The following RAF1 variants were observed in gnomAD, a reference collection of about 807,000 sequenced individuals.
RAF1 encodes Raf-1 proto-oncogene, serine/threonine kinase.
In RAF1, 27 loss-of-function variants were observed where a neutral mutation model predicts 81.1. The ratio of observed to expected loss-of-function variants is 0.33; its 90% CI spans 0.25 to 0.46. The LOEUF is 0.46. Among genes scored for constraint, RAF1 ranks in the 20% least tolerant of loss-of-function variants. The pLI, the probability that RAF1 is intolerant of heterozygous loss-of-function variation, is 1.00. For missense variants in RAF1, 598 were observed against 826.0 expected (o/e 0.72, Z 3.38); for synonymous variants, 298 against 294.0 (o/e 1.01, Z -0.14).
chr3:12,632,844 A>G (rs796139761), intron 1 of RAF1, among the ~76,000 whole-genome samples: 9 of 152,326 alleles, frequency 5.9e-5, no homozygotes, highest in African/African-American at 2.2e-4. Flanking sequence ...GTGAAGAGGA[A>G]AAAACAAAAA....
chr3:12,650,981 G>A (rs1300532347), intron 1 of RAF1, among the ~76,000 whole-genome samples: 1 of 152,180 alleles, frequency 6.6e-6, no homozygotes, highest in East Asian at 1.9e-4. Flanking sequence ...AAGCTAAAGT[G>A]TGCCCAGGGA....
At chr3:12,636,886 T>C (rs1447457945) in intron 1 of RAF1, among the ~76,000 whole-genome samples, 1 of 152,118 alleles carries the variant, frequency 6.6e-6, no homozygotes, top group Non-Finnish European at 1.5e-5. Context: ...ACATACTACA[T>C]ACCCTGGAGA....
intron 14 of RAF1, chr3:12,586,707 T>G (rs1172475185): frequency 1.3e-5 from 2 of 152,174 alleles, no homozygotes; most frequent in Non-Finnish European, 2.9e-5. Context: ...AGATTCAAAA[T>G]TGTTAAATTT....
chr3:12,655,000 A>ACCCCCCCCCCCCC (rs35380724), intron 1 of RAF1, among the ~76,000 whole-genome samples: 1 of 128,120 alleles, frequency 7.8e-6, no homozygotes, highest in African/African-American at 2.8e-5. Context: ...ACATAGTGAG[A>ACCCCCCCCCCCCC]CCCCCCCCCC....
intron 5 of RAF1, among the ~76,000 whole-genome samples, chr3:12,607,377 G>A (rs1311075779): frequency 2.0e-5 from 3 of 152,190 alleles, no homozygotes; most frequent in East Asian, 3.9e-4. Context: ...GCCGGATGCG[G>A]TGGCTCACAC....
chr3:12,629,206 A>G (rs2059795391), intron 1 of RAF1, among the ~76,000 whole-genome samples: 1 of 152,218 alleles, frequency 6.6e-6, no homozygotes, highest in Non-Finnish European at 1.5e-5. Flanking sequence ...ATAATTACAA[A>G]AAGTTGGCTA....
chr3:12,656,028 A>T (rs961632918), intron 1 of RAF1, among the ~76,000 whole-genome samples: 1 of 150,866 alleles, frequency 6.6e-6, no homozygotes, highest in Non-Finnish European at 1.5e-5. Flanking sequence ...GAATGTTGTT[A>T]AATGTCACTG....
chr3:12,629,033 C>T (rs1395031590), intron 1 of RAF1, among the ~76,000 whole-genome samples: 1 of 152,110 alleles, frequency 6.6e-6, no homozygotes, highest in African/African-American at 2.4e-5. Flanking sequence ...CATGAGCTAC[C>T]ACACCCAGCC....
chr3:12,587,370 A>G (rs2058362608), intron 14 of RAF1: 2 of 593,600 alleles, frequency 3.4e-6, no homozygotes, highest in Non-Finnish European at 6.0e-6. Flanking sequence ...TCAGAAAGGA[A>G]CCTAACCTAA....
intron 1 of RAF1, among the ~76,000 whole-genome samples, chr3:12,633,393 AC>A (rs1237775380): frequency 6.6e-6 from 1 of 151,608 alleles, no homozygotes; most frequent in Non-Finnish European, 1.5e-5. Context: ...TGGGAGGATC[AC>A]TTGAGCTCAG....
chr3:12,584,795 C>T, intron 17 of RAF1, 52 bp downstream of exon 16: 1 of 1,613,936 alleles, frequency 6.2e-7, no homozygotes, highest in East Asian at 2.2e-5. Flanking sequence ...ATATTGCCAT[C>T]TTTACGAACC....
chr3:12,595,389 T>C (rs1575554934), intron 11 of RAF1, among the ~76,000 whole-genome samples: 1 of 152,150 alleles, frequency 6.6e-6, no homozygotes, highest in Non-Finnish European at 1.5e-5. Context: ...TTTCTACTAG[T>C]AGGAACTACC....
intron 1 of RAF1, among the ~76,000 whole-genome samples, chr3:12,628,755 G>A (rs1377415364): frequency 7.3e-6 from 1 of 137,814 alleles, no homozygotes; most frequent in African/African-American, 2.7e-5. Flanking sequence ...TATTTTTGGG[G>A]GGGGGGGGTG....
At position 12,614,980 on chromosome 3, in the gene RAF1, T is replaced by C. The variant is rs373523207; in HGVS notation, c.208-2918A>G. On this transcript the variant is annotated intron_variant, in intron 2 of 17. Transcript: ENST00000442415. Reference sequence around the variant, plus strand: ...TACATTATCAGTCTTCACTAAATCATACTGCAAGCTGGACAGTTCTTTAAA... The same window carrying C: ...TACATTATCAGTCTTCACTAAATCACACTGCAAGCTGGACAGTTCTTTAAA... 1.4e-4 allele frequency among the ~76,000 whole-genome samples: 22 copies of C among 152,348 alleles called. 2 individuals are homozygous for C. The highest frequency in any genetic ancestry group is 4.1e-4 in the South Asian group (2 of 4,832).
At chr3:12,624,284 C>T (rs1190673519) in intron 1 of RAF1, among the ~76,000 whole-genome samples, 1 of 152,146 alleles carries the variant, frequency 6.6e-6, no homozygotes, top group Non-Finnish European at 1.5e-5. Flanking sequence ...ACAACTCTAA[C>T]CTGTTAATCA....
At chr3:12,618,843 G>T in intron 1 of RAF1, 96 bp from the exon 2 acceptor site, 3 of 941,144 alleles carry the variant, frequency 3.2e-6, no homozygotes, top group Non-Finnish European at 1.7e-6. Context: ...GCACTATGTG[G>T]GTTTTTAATG....
intron 1 of RAF1, among the ~76,000 whole-genome samples, chr3:12,649,589 T>TCACACACA (rs3072126): frequency 2.0e-5 from 3 of 150,354 alleles, no homozygotes; most frequent in Admixed American, 6.6e-5. Context: ...CCAGAGACTG[T>TCACACACA]CACACACACA....
intron 1 of RAF1, among the ~76,000 whole-genome samples, chr3:12,640,197 C>T (rs1158253018): frequency 6.6e-6 from 1 of 152,128 alleles, no homozygotes; most frequent in Non-Finnish European, 1.5e-5. Context: ...CCCTTCCTTA[C>T]ATCTTATACA....
chr3:12,622,670 C>T (rs546341449), intron 1 of RAF1, among the ~76,000 whole-genome samples: 1 of 152,294 alleles, frequency 6.6e-6, no homozygotes, highest in East Asian at 1.9e-4. Flanking sequence ...AGTCAGTCCC[C>T]CTACCTTCCT....
Sources: allele counts gnomAD v4.1 joint callset (sites outside exome capture counted in the v4.1 genomes callset), GRCh38; gene constraint gnomAD v4.1.1; transcripts MANE v1.5; gene names NCBI Gene and HGNC (gene_info 2026-07-23, HGNC 2026-07-21).